The following WASHC3 variants were observed in gnomAD, a reference collection of about 807,000 sequenced individuals.
WASHC3 encodes WASH complex subunit CCDC53.
Under a neutral mutation model 26.1 loss-of-function variants are expected in WASHC3, and 24 were observed. The observed-to-expected ratio is 0.92, with a 90% CI of 0.66 to 1.29. WASHC3 has a LOEUF of 1.29. Among genes scored for constraint, WASHC3 ranks in the 50% most tolerant of loss-of-function variants. The pLI is 0.00. For synonymous variants in WASHC3, 77 were observed against 75.7 expected (o/e 1.02, Z -0.09); for missense variants, 214 against 229.6 (o/e 0.93, Z 0.44).
chr12:102,029,372 T>A (rs1045320415), intron 5 of WASHC3, among the ~76,000 whole-genome samples: 1 of 152,168 alleles, frequency 6.6e-6, no homozygotes, highest in African/African-American at 2.4e-5. Flanking sequence ...AAGGCAGCCA[T>A]AAGTCTGATG....
intron 5 of WASHC3, among the ~76,000 whole-genome samples, chr12:102,034,617 G>A (rs1314928368): frequency 6.6e-6 from 1 of 152,124 alleles, no homozygotes; most frequent in East Asian, 1.9e-4. Context: ...GTATGTTCAA[G>A]AAGCTTTACG....
chr12:102,025,680 A>C (rs1194633142), intron 6 of WASHC3, among the ~76,000 whole-genome samples: 1 of 150,956 alleles, frequency 6.6e-6, no homozygotes, highest in Non-Finnish European at 1.5e-5. Context: ...AGGTAGCACA[A>C]AAAGGAAAAA....
intron 6 of WASHC3, among the ~76,000 whole-genome samples, chr12:102,022,056 T>C (rs913476063): frequency 1.3e-5 from 2 of 152,186 alleles, no homozygotes; most frequent in African/African-American, 4.8e-5. Flanking sequence ...TAACTTGAAC[T>C]CAATTATATG....
chr12:102,026,015 T>A lies in WASHC3; in HGVS notation c.459A>T (p.Arg153Ser). The change falls in exon 6 of 7, where the codon AGA (arginine) becomes AGT (serine). Residue 153 changes from arginine (R) to serine (S), a missense_variant. Transcript: ENST00000240079. The stretch of plus-strand genomic sequence containing the variant: ...CTAGTCCTTCTGATATCATTTTGTT[T>A]CTTATTGCCATCACTGGTACACCCT... ...VQVGVPVMAI[R>S]NKMISEGLDP... The A allele has an allele frequency of 1.9e-6, 3 of 1,548,358 alleles. No homozygotes were observed. The highest frequency in any genetic ancestry group is 2.6e-6 in the Non-Finnish European group (3 of 1,137,772).
At position 102,046,113 on chromosome 12, in the gene WASHC3, C is replaced by T. The variant is rs1410656309; in HGVS notation, c.157G>A (p.Ala53Thr). 2 of 1,586,974 alleles carry T rather than the reference C, an allele frequency of 1.3e-6. No individual in the cohort carries two copies. The highest frequency in any genetic ancestry group is 1.7e-6 in the Non-Finnish European group (2 of 1,161,834). ...RFSTVCEEKLADLSLRIQQIE... is the reference protein window; with the variant it reads ...RFSTVCEEKLTDLSLRIQQIE... ...TGTTGGATACGAAGTGAAAGGTCTG[C>T]CAGTTTCTGTAAAAGAAAAATTAGA... Residue 53 changes from alanine to threonine, a missense_variant, in exon 3 of 7, where the codon GCA (alanine) becomes ACA (threonine). By Grantham distance (58) the Ala-to-Thr change is moderately conservative. Transcript: ENST00000240079.
chr12:102,031,682 TC>T (rs1649190413), intron 5 of WASHC3, among the ~76,000 whole-genome samples: 1 of 152,002 alleles, frequency 6.6e-6, no homozygotes, highest in Non-Finnish European at 1.5e-5. Flanking sequence ...CAAAAGTTAT[TC>T]CCCCATCCCA....
intron 6 of WASHC3, among the ~76,000 whole-genome samples, chr12:102,017,277 G>A (rs1032929681): frequency 6.6e-6 from 1 of 151,986 alleles, no homozygotes. Context: ...ACTCTATGAC[G>A]TTTGCACAAT....
At chr12:102,015,826 TC>T (rs969867387) in intron 6 of WASHC3, among the ~76,000 whole-genome samples, 1 of 152,206 alleles carries the variant, frequency 6.6e-6, no homozygotes, top group African/African-American at 2.4e-5. Flanking sequence ...AGGACGGTGG[TC>T]CCATTAGATT....
chr12:102,017,576 T>C (rs1565809945), intron 6 of WASHC3: 1 of 192,978 alleles, frequency 5.2e-6, no homozygotes, highest in Non-Finnish European at 1.1e-5. Flanking sequence ...GTAAGTCATT[T>C]GTTAGTTAGA....
intron 2 of WASHC3, among the ~76,000 whole-genome samples, chr12:102,047,579 AT>A (rs906548301): frequency 4.6e-5 from 7 of 152,194 alleles, no homozygotes; most frequent in African/African-American, 1.7e-4. Context: ...TTATAAGTGT[AT>A]TCCTTAAAAT....
intron 6 of WASHC3, chr12:102,017,680 C>G: frequency 2.9e-6 from 1 of 346,180 alleles, no homozygotes; most frequent in Non-Finnish European, 5.5e-6. Context: ...GAGGAACTGC[C>G]AAACTTTTCC....
chr12:102,049,259 T>C (rs992759798), intron 2 of WASHC3, among the ~76,000 whole-genome samples: 2 of 152,220 alleles, frequency 1.3e-5, no homozygotes, highest in Admixed American at 6.5e-5. Flanking sequence ...CCTCTAGACA[T>C]AGCCATATGT....
intron 2 of WASHC3, among the ~76,000 whole-genome samples, chr12:102,051,478 T>C (rs1389271291): frequency 2.0e-5 from 3 of 152,198 alleles, no homozygotes; most frequent in Non-Finnish European, 4.4e-5. Context: ...CAAACAGACA[T>C]AGCATAGCAA....
chr12:102,045,865 GAATT>G (rs1318708824), intron 3 of WASHC3, among the ~76,000 whole-genome samples, 185 bp downstream of exon 3: 7 of 152,204 alleles, frequency 4.6e-5, no homozygotes, highest in Admixed American at 2.0e-4. Flanking sequence ...GTGTACATTT[GAATT>G]AATGGTTCAT....
chr12:102,036,536 C>G (rs1413067835), intron 5 of WASHC3, among the ~76,000 whole-genome samples: 2 of 152,118 alleles, frequency 1.3e-5, no homozygotes, highest in Non-Finnish European at 2.9e-5. Context: ...TCCCCACTTT[C>G]TTCTTGAAAA....
intron 6 of WASHC3, among the ~76,000 whole-genome samples, chr12:102,022,539 C>T (rs2121338215): frequency 6.6e-6 from 1 of 152,274 alleles, no homozygotes; most frequent in Non-Finnish European, 1.5e-5. Flanking sequence ...ACCAGGGTTA[C>T]ACAACTAGAA....
chr12:102,045,119 A>G (rs1878106067), intron 3 of WASHC3, among the ~76,000 whole-genome samples: 2 of 152,148 alleles, frequency 1.3e-5, no homozygotes, highest in African/African-American at 4.8e-5. Flanking sequence ...AAAAAAACCA[A>G]TGGTAATAAG....
At chr12:102,041,202 C>T (rs1294245464) in intron 4 of WASHC3, among the ~76,000 whole-genome samples, 2 of 151,252 alleles carry the variant, frequency 1.3e-5, no homozygotes, top group East Asian at 3.9e-4. Context: ...AAAATTAAAA[C>T]AATAACCAAG....
chr12:102,039,748 G>T, intron 5 of WASHC3, 120 bp downstream of exon 5: 4 of 433,224 alleles, frequency 9.2e-6, no homozygotes, highest in Non-Finnish European at 1.7e-5. Context: ...TAAGAGAATA[G>T]AAAACTTGGT....
Sources: gnomAD v4.1 joint callset for allele counts (sites outside exome capture counted in the v4.1 genomes callset) on GRCh38, gnomAD v4.1.1 for gene constraint, MANE v1.5 for transcripts, NCBI Gene and HGNC (gene_info 2026-07-23, HGNC 2026-07-21) for gene names.